The following PLEKHH1 variants were observed in gnomAD, a reference collection of about 807,000 sequenced individuals.
PLEKHH1 encodes pleckstrin homology, MyTH4 and FERM domain containing H1, also known as pleckstrin homology domain-containing family H member 1.
A neutral mutation model predicts 160.0 loss-of-function variants in PLEKHH1; 104 were observed. The observed-to-expected ratio is 0.65, with a 90% CI of 0.55 to 0.76. PLEKHH1 has a LOEUF of 0.76. Ranked by LOEUF, PLEKHH1 falls within the 30% of genes least tolerant of loss-of-function variation. The pLI is 0.00. For synonymous variants in PLEKHH1, 619 were observed against 678.4 expected (o/e 0.91, Z 1.36); for missense variants, 1,427 against 1,724.1 (o/e 0.83, Z 3.05).
At chr14:67,535,370 C>CTTTTTTT (rs71129833) in intron 1 of PLEKHH1, among the ~76,000 whole-genome samples, 7 of 74,228 alleles carry the variant, frequency 9.4e-5, no homozygotes, top group African/African-American at 2.4e-4. Flanking sequence ...GTGAGCACAT[C>CTTTTTTT]TTTTTTTTTT....
chr14:67,540,746 T>C (rs1347787488), intron 1 of PLEKHH1, among the ~76,000 whole-genome samples: 1 of 152,206 alleles, frequency 6.6e-6, no homozygotes, highest in African/African-American at 2.4e-5. Flanking sequence ...TTGGGAAGCA[T>C]CATTCATCAT....
intron 22 of PLEKHH1, 35 bp from the exon 23 acceptor site, chr14:67,580,903 G>A (rs761293047): frequency 7.1e-7 from 1 of 1,408,118 alleles, no homozygotes; most frequent in Non-Finnish European, 1.0e-6. Flanking sequence ...TCCTTATCAG[G>A]AAATTTTCTG....
intron 2 of PLEKHH1, among the ~76,000 whole-genome samples, chr14:67,553,620 A>C (rs1337928688): frequency 6.6e-6 from 1 of 152,244 alleles, no homozygotes; most frequent in Admixed American, 6.5e-5. Flanking sequence ...GTTATGCAGT[A>C]CCAACACTGG....
intron 22 of PLEKHH1, chr14:67,580,428 G>C (rs1250597074): frequency 1.8e-5 from 3 of 168,684 alleles, no homozygotes; most frequent in Admixed American, 1.7e-4. Context: ...GTGTTTGTAA[G>C]AATGTGCTCT....
chr14:67,536,288 G>A (rs563310450), intron 1 of PLEKHH1, among the ~76,000 whole-genome samples: 1 of 151,886 alleles, frequency 6.6e-6, no homozygotes, highest in South Asian at 2.1e-4. Context: ...TTGTCCCTGT[G>A]TACACTCACA....
chr14:67,544,533 C>T (rs1015407158), intron 2 of PLEKHH1, among the ~76,000 whole-genome samples: 1 of 152,062 alleles, frequency 6.6e-6, no homozygotes, highest in Non-Finnish European at 1.5e-5. Context: ...ACACAAAAAA[C>T]AATTAGACTA....
intron 1 of PLEKHH1, among the ~76,000 whole-genome samples, chr14:67,535,563 G>T (rs1380650573): frequency 6.6e-6 from 1 of 151,824 alleles, no homozygotes; most frequent in African/African-American, 2.4e-5. Flanking sequence ...TGTATTTTTA[G>T]TAGAGACAGG....
At chr14:67,570,366 G>A (rs985823428) in intron 9 of PLEKHH1, 27 of 870,768 alleles carry the variant, frequency 3.1e-5, no homozygotes, top group African/African-American at 2.9e-4. Context: ...TTCCCGTAAC[G>A]TCACTACATT....
chr14:67,555,841 A>G lies in PLEKHH1; in HGVS notation c.143A>G (p.Gln48Arg). The change falls in exon 3 of 29, where the codon CAG becomes CGG. Residue 48 changes from glutamine (Q) to arginine (R), a missense_variant. Physicochemically the swap from Gln to Arg is conservative, Grantham distance 43. This residue lies in a region of PLEKHH1 where 831 missense variants were observed against 929.2 expected (regional missense o/e 0.89). Transcript: ENST00000329153. ...GCCAAGCAGATGCAGGAGCTGGAGC[A>G]GAGGCTGCTGGAGGCAGAGCAGAGA... is the stretch of plus-strand genomic sequence containing the variant. ...LLADKMQELE[Q>R]RLLEAEQRAE... 1 of 1,613,536 alleles carries G rather than the reference A, an allele frequency of 6.2e-7. No homozygotes were observed. Among genetic ancestry groups the G allele is most frequent in the Middle Eastern group, 1.7e-4 (1 of 6,056 alleles).
chr14:67,543,465 G>A (rs1295708556), intron 2 of PLEKHH1, among the ~76,000 whole-genome samples: 4 of 152,252 alleles, frequency 2.6e-5, no homozygotes. Flanking sequence ...ACCTTAGACA[G>A]TGATTCTCAA....
In PLEKHH1 at chr14:67,573,790, TTTC is replaced by T; in HGVS notation, c.1840-8_1840-6del. On this transcript the variant is annotated splice_region_variant and splice_polypyrimidine_tract_variant and intron_variant, in intron 12 of 28. Transcript: ENST00000329153. This position sits in a 1 kb window ranked among gnomAD's most constrained non-coding sequence, Gnocchi z 4.8. ...ATTCAGTGGCTCTCCTCTCCAATAC[TTTC>T]TTTACAGAGTGATGTCATCCGGAAA... is the stretch of plus-strand genomic sequence containing the variant. 1 of 1,596,202 alleles carries T rather than the reference TTTC, an allele frequency of 6.3e-7. No homozygotes were observed. The highest frequency in any genetic ancestry group is 8.6e-7 in the Non-Finnish European group (1 of 1,163,674).
rs1315807320 is a variant in PLEKHH1 at position 67,588,732 on chromosome 14, A to G, written c.*1497A>G. On this transcript the variant is annotated 3_prime_UTR_variant, in exon 29 of 29. Transcript: ENST00000329153. The stretch of plus-strand genomic sequence containing the variant: ...GTCAGTAAAGTGCTGAAAACTGTAT[A>G]TTTAGCAGTAGCACCCAAAACCAAG... The G allele has an allele frequency of 6.6e-6, 1 of 152,550 alleles. No individual in the cohort carries two copies. The highest frequency in any genetic ancestry group is 2.4e-5 in the African/African-American group (1 of 41,434). 9.4% of individuals were successfully genotyped at this position (152,550 alleles called of 1,614,324 possible). A position where few individuals can be genotyped will look rare whatever the true frequency, so the allele number is the denominator to read the frequency against.
Position 67,565,842 on chromosome 14 carries a change from G to A in PLEKHH1, c.1263+2948G>A, listed in dbSNP as rs115140083. On this transcript the variant is annotated intron_variant, in intron 7 of 28. Coordinates refer to ENST00000329153, the MANE Select transcript of PLEKHH1 (RefSeq NM_020715.3). ...CCTTTTGAAATGCTGGTTCAAATCC[G>A]GGCTCAGTAGCTTATGCCTGTAATC... Among the ~76,000 whole-genome samples the A allele has an allele frequency of 4.6e-3, 703 of 152,250 alleles. 3 individuals are homozygous for A. The highest frequency in any genetic ancestry group is 0.016 in the African/African-American group (662 of 41,536).
intron 2 of PLEKHH1, among the ~76,000 whole-genome samples, chr14:67,549,210 C>T (rs1375867777): frequency 6.6e-6 from 1 of 151,788 alleles, no homozygotes; most frequent in East Asian, 1.9e-4. Flanking sequence ...GGAGAAGATG[C>T]CTTCTAGGGC....
Position 67,573,949 on chromosome 14 carries a change from G to C in PLEKHH1, c.1926+62G>C. 3.3e-6 allele frequency: 4 copies of C among 1,216,682 alleles called. No homozygotes were observed. The allele number at this position is 1,216,682 out of a possible 1,614,324, so 75.4% of individuals were successfully genotyped here. On this transcript the variant is annotated intron_variant, in intron 13 of 28. Coordinates refer to ENST00000329153, the MANE Select transcript of PLEKHH1 (RefSeq NM_020715.3). This position sits in a 1 kb window ranked among gnomAD's most constrained non-coding sequence, Gnocchi z 4.8. ...AGAGGTGCTGGGTTTGGATATGGCC[G>C]TGAGTGAGACAAAGATGGGGCCAAA...
chr14:67,569,132 T>C lies in PLEKHH1; in HGVS notation c.1264-6T>C. ...GCCCTGAGCTTCCTGAGACCTCTTGTTTCAGGAGAGCCGGATCTATGCTGT... is the reference window on the plus strand; with the variant it reads ...GCCCTGAGCTTCCTGAGACCTCTTGCTTCAGGAGAGCCGGATCTATGCTGT... On this transcript the variant is annotated splice_region_variant and splice_polypyrimidine_tract_variant and intron_variant, in intron 7 of 28. Transcript: ENST00000329153. The C allele has an allele frequency of 6.2e-7, 1 of 1,607,320 alleles. No individual in the cohort carries two copies. Among genetic ancestry groups the C allele is most frequent in the Non-Finnish European group, 8.5e-7 (1 of 1,175,092 alleles).
intron 2 of PLEKHH1, among the ~76,000 whole-genome samples, chr14:67,547,830 A>T (rs990007735): frequency 6.6e-6 from 1 of 152,226 alleles, no homozygotes; most frequent in Non-Finnish European, 1.5e-5. Flanking sequence ...GAATTTTTTT[A>T]AAAAAGCAGA....
At chr14:67,542,651 A>G (rs1458053536) in intron 2 of PLEKHH1, among the ~76,000 whole-genome samples, 2 of 152,178 alleles carry the variant, frequency 1.3e-5, no homozygotes, top group Non-Finnish European at 2.9e-5. Flanking sequence ...CACCTTTCCT[A>G]ATGTTTCTGT....
chr14:67,578,627 C>G lies in PLEKHH1; in HGVS notation c.2845C>G (p.Pro949Ala). Residue 949 changes from proline (P) to alanine (A), a missense_variant, in exon 20 of 29, where the codon CCC (proline) becomes GCC (alanine). By Grantham distance (27) the Pro-to-Ala change is conservative. Transcript: ENST00000329153. This position sits in a 1 kb window ranked among gnomAD's most constrained non-coding sequence, Gnocchi z 5.0. Reference sequence around the variant, plus strand: ...GCAGCAGCTCCAACGCCATGCAGATCCCAGGTGAGTGAACCTGGCCGTTTC... The same window carrying G: ...GCAGCAGCTCCAACGCCATGCAGATGCCAGGTGAGTGAACCTGGCCGTTTC... Reference protein sequence around the residue: ...VKQQLQRHADPRSETGQYATY... With the variant: ...VKQQLQRHADARSETGQYATY... 1 of 1,598,680 alleles carries G rather than the reference C, an allele frequency of 6.3e-7. No individual in the cohort carries two copies. The highest frequency in any genetic ancestry group is 1.1e-5 in the South Asian group (1 of 88,684).
Sources: allele counts gnomAD v4.1 joint callset (sites outside exome capture counted in the v4.1 genomes callset), GRCh38; gene constraint gnomAD v4.1.1; regional missense constraint gnomAD v4.1.1; non-coding constraint Gnocchi (gnomAD v3.1); transcripts MANE v1.5; gene names NCBI Gene and HGNC (gene_info 2026-07-23, HGNC 2026-07-21).